Variants in CHRM2 observed in about 807,000 individuals in gnomAD.
The protein encoded by CHRM2 is cholinergic receptor muscarinic 2, also known as muscarinic acetylcholine receptor M2.
Under a neutral mutation model 25.0 loss-of-function variants are expected in CHRM2, and 8 were observed. That is an observed-to-expected ratio of 0.32 (90% CI 0.19 to 0.58). The LOEUF (loss-of-function observed/expected upper bound fraction) is 0.58. Ranked by LOEUF, CHRM2 falls within the 20% of genes least tolerant of loss-of-function variation. The probability of loss-of-function intolerance (pLI) is 0.88; values close to 1 mark genes in which losing one functional copy is unlikely to be tolerated. For synonymous variants in CHRM2, 202 were observed against 205.7 expected (o/e 0.98, Z 0.15); for missense variants, 440 against 567.1 (o/e 0.78, Z 2.28).
At chr7:136,952,608 C>T (rs1033321594) in intron 2 of CHRM2, among the ~76,000 whole-genome samples, 2 of 151,804 alleles carry the variant, frequency 1.3e-5, no homozygotes, top group Admixed American at 1.3e-4. Context: ...GGTACATGTG[C>T]AGGTTTTTTG....
chr7:136,992,850 G>A (rs1803322135), intron 3 of CHRM2, among the ~76,000 whole-genome samples: 1 of 152,126 alleles, frequency 6.6e-6, no homozygotes, highest in Non-Finnish European at 1.5e-5. Flanking sequence ...ACTCACACAG[G>A]AGTTGGTGTT....
rs922733372 is a variant in CHRM2, at chr7:137,015,127, T to A, written c.262T>A (p.Tyr88Asn). Residue 88 changes from tyrosine to asparagine, a missense_variant, in exon 4 of 4, where the codon TAC (tyrosine) becomes AAC (asparagine). Transcript: ENST00000680005. This position sits in a 1 kb window ranked among gnomAD's most constrained non-coding sequence, Gnocchi z 5.1. ...NLYTLYTVIG[Y>N]WPLGPVVCDL... Reference sequence around the variant, plus strand: ...GTACACCCTCTACACTGTGATTGGTTACTGGCCTTTGGGACCTGTGGTGTG... The same window carrying A: ...GTACACCCTCTACACTGTGATTGGTAACTGGCCTTTGGGACCTGTGGTGTG... The A allele has an allele frequency of 6.2e-7, 1 of 1,613,570 alleles. No individual in the cohort carries two copies. The highest frequency in any genetic ancestry group is 1.3e-5 in the African/African-American group (1 of 75,008).
chr7:136,941,943 C>T (rs1377654496), intron 2 of CHRM2, among the ~76,000 whole-genome samples: 1 of 152,140 alleles, frequency 6.6e-6, no homozygotes, highest in East Asian at 1.9e-4. Flanking sequence ...CTAGTAAGTA[C>T]ACCTCTCTGA....
rs74737609 is a variant in CHRM2, at chr7:136,888,392, A to G, written c.-125+18974A>G. Among the ~76,000 whole-genome samples, 605 of 152,354 alleles carry G rather than the reference A, an allele frequency of 4.0e-3. 2 individuals carry two copies. Among genetic ancestry groups the G allele is most frequent in the African/African-American group, 0.014 (572 of 41,584 alleles). On this transcript the variant is annotated intron_variant, in intron 2 of 3. Coordinates refer to ENST00000680005, the MANE Select transcript of CHRM2 (RefSeq NM_001006630.2). The stretch of plus-strand genomic sequence containing the variant: ...ACCTTTCTGATTTAATCCTTGCTTC[A>G]GCCTATGGGAAGCAGTTGACCTGTT...
intron 2 of CHRM2, among the ~76,000 whole-genome samples, chr7:136,988,234 A>G (rs960344033): frequency 3.9e-5 from 6 of 151,980 alleles, no homozygotes; most frequent in African/African-American, 1.2e-4. Context: ...AAGAAAAGAA[A>G]GGGAAGACAA....
At chr7:136,989,698 TG>T in intron 2 of CHRM2, among the ~76,000 whole-genome samples, 1 of 152,300 alleles carries the variant, frequency 6.6e-6, no homozygotes, top group Non-Finnish European at 1.5e-5. Context: ...CTAGGTCCTT[TG>T]TTTGCCATGG....
At chr7:137,010,302 T>C (rs1028192173) in intron 3 of CHRM2, among the ~76,000 whole-genome samples, 6 of 152,020 alleles carry the variant, frequency 3.9e-5, no homozygotes, top group African/African-American at 7.2e-5. Context: ...GCAGAAACAT[T>C]GTCTTATAAG....
chr7:136,984,050 C>T (rs1802672973), intron 2 of CHRM2, among the ~76,000 whole-genome samples: 1 of 152,184 alleles, frequency 6.6e-6, no homozygotes, highest in Non-Finnish European at 1.5e-5. Context: ...GCTGCCCCTC[C>T]CCCAAGGTTC....
intron 2 of CHRM2, among the ~76,000 whole-genome samples, chr7:136,919,995 TC>T (rs1798339408): frequency 6.6e-6 from 1 of 152,130 alleles, no homozygotes; most frequent in Non-Finnish European, 1.5e-5. Context: ...TCATACTACT[TC>T]AAAAATGCTT....
chr7:137,008,387 A>T (rs1202894617), intron 3 of CHRM2, among the ~76,000 whole-genome samples: 1 of 152,060 alleles, frequency 6.6e-6, no homozygotes, highest in Non-Finnish European at 1.5e-5. Flanking sequence ...TAAACATAAT[A>T]TTGTTGTAGT....
intron 2 of CHRM2, among the ~76,000 whole-genome samples, chr7:136,984,017 A>G (rs1802669658): frequency 6.6e-6 from 1 of 152,174 alleles, no homozygotes; most frequent in African/African-American, 2.4e-5. Context: ...GAAATGTTTA[A>G]GTTTGCTGAA....
At chr7:136,902,291 T>C (rs1797268611) in intron 2 of CHRM2, 1 of 151,970 alleles carries the variant, frequency 6.6e-6, no homozygotes, top group South Asian at 2.1e-4. Context: ...TTGCAGTCAG[T>C]TGCTAGTTAT....
chr7:136,927,485 C>A (rs191408366), intron 2 of CHRM2, among the ~76,000 whole-genome samples: 9 of 151,932 alleles, frequency 5.9e-5, no homozygotes, highest in Admixed American at 4.6e-4. Context: ...TAATCATCAT[C>A]ACTACTAGTT....
intron 2 of CHRM2, among the ~76,000 whole-genome samples, chr7:136,900,724 G>A (rs1797155464): frequency 6.6e-6 from 1 of 151,942 alleles, no homozygotes; most frequent in Non-Finnish European, 1.5e-5. Flanking sequence ...TTTAAAAAAA[G>A]AATTGTTATT....
chr7:136,912,783 C>A (rs1295550390), intron 2 of CHRM2, among the ~76,000 whole-genome samples: 1 of 151,866 alleles, frequency 6.6e-6, no homozygotes, highest in African/African-American at 2.4e-5. Context: ...ATTCCTAACA[C>A]AAAGCTGCTA....
At chr7:136,896,909 T>C (rs924611511) in intron 2 of CHRM2, among the ~76,000 whole-genome samples, 9 of 152,104 alleles carry the variant, frequency 5.9e-5, no homozygotes, top group African/African-American at 9.6e-5. Flanking sequence ...ATTGATTTGT[T>C]TTTCTCTAAA....
At chr7:136,973,944 T>A (rs949421574) in intron 2 of CHRM2, among the ~76,000 whole-genome samples, 1 of 152,198 alleles carries the variant, frequency 6.6e-6, no homozygotes, top group Non-Finnish European at 1.5e-5. Context: ...GACAGAATTA[T>A]ACTATTTGAT....
At chr7:136,914,618 T>C (rs778426952) in intron 2 of CHRM2, among the ~76,000 whole-genome samples, 1 of 151,886 alleles carries the variant, frequency 6.6e-6, no homozygotes, top group Non-Finnish European at 1.5e-5. Context: ...CAGTATTATA[T>C]CAGAGAAAAA....
chr7:136,907,586 A>T (rs1372385559), intron 2 of CHRM2, among the ~76,000 whole-genome samples: 2 of 151,922 alleles, frequency 1.3e-5, no homozygotes, highest in African/African-American at 2.4e-5. Flanking sequence ...GAATCATGAA[A>T]TTGAAAGTGC....
Sources: allele counts gnomAD v4.1 joint callset (sites outside exome capture counted in the v4.1 genomes callset), GRCh38; gene constraint gnomAD v4.1.1; non-coding constraint Gnocchi (gnomAD v3.1); transcripts MANE v1.5; gene names NCBI Gene and HGNC (gene_info 2026-07-23, HGNC 2026-07-21).